The following ZC3H14 variants were observed in gnomAD, a reference collection of about 807,000 sequenced individuals.
ZC3H14 encodes zinc finger CCCH-type containing 14.
A neutral mutation model predicts 92.4 loss-of-function variants in ZC3H14; 31 were observed. That is an observed-to-expected ratio of 0.34 (90% CI 0.25 to 0.45). The LOEUF is 0.45. ZC3H14 is among the 20% of genes least tolerant of loss of function. ZC3H14 has a pLI of 1.00. For missense variants in ZC3H14, 781 were observed against 897.3 expected (o/e 0.87, Z 1.66); for synonymous variants, 321 against 300.9 (o/e 1.07, Z -0.69).
At chr14:88,578,659 C>A (rs1173267255) in intron 9 of ZC3H14, among the ~76,000 whole-genome samples, 1 of 151,780 alleles carries the variant, frequency 6.6e-6, no homozygotes, top group East Asian at 1.9e-4. Context: ...TTTACCTGAA[C>A]TTGAAATTTT....
Position 88,601,910 on chromosome 14 carries a change from T to C in ZC3H14, c.1355-14T>C, listed in dbSNP as rs1279452277. On this transcript the variant is annotated splice_polypyrimidine_tract_variant and intron_variant, in intron 10 of 16. Transcript: ENST00000251038. ...TTCAAAAGTAAACATTTGTGGCCAA[T>C]TTTTTTGGCTCAGATTACTATGACA... is the stretch of plus-strand genomic sequence containing the variant. 2 of 1,611,418 alleles carry C rather than the reference T, an allele frequency of 1.2e-6. No individual in the cohort carries two copies. The highest frequency in any genetic ancestry group is 1.7e-6 in the Non-Finnish European group (2 of 1,178,216).
chr14:88,589,519 C>T (rs2082851535), intron 9 of ZC3H14: 1 of 152,146 alleles, frequency 6.6e-6, no homozygotes, highest in Admixed American at 6.5e-5. Flanking sequence ...CCCTGAATTC[C>T]TCATTTCTGT....
chr14:88,573,249 A>G (rs1718301153), intron 6 of ZC3H14, among the ~76,000 whole-genome samples: 2 of 151,786 alleles, frequency 1.3e-5, no homozygotes, highest in Admixed American at 6.6e-5. Context: ...GCATGGTGGC[A>G]GGCGCCTGTA....
rs768458449 is a variant in ZC3H14, at chr14:88,601,935, A to C, written c.1366A>C (p.Met456Leu). The C allele has an allele frequency of 1.2e-6, 2 of 1,614,104 alleles. No homozygotes were observed. The highest frequency in any genetic ancestry group is 3.3e-5 in the Admixed American group (2 of 60,020). Residue 456 changes from methionine to leucine, a missense_variant, in exon 11 of 17, where the codon ATG becomes CTG. Met to Leu is a conservative substitution (Grantham distance 15). Around this residue, in one of 3 missense-constraint regions of ZC3H14, gnomAD observed 454 missense variants for 438.5 expected, o/e 1.04. Coordinates refer to ENST00000251038, the MANE Select transcript of ZC3H14 (RefSeq NM_024824.5). ...TLQMSQDYYD[M>L]ESMVHADTRS... ...TTTTTTTGGCTCAGATTACTATGACATGGAATCCATGGTCCATGCAGACAC... is the reference window on the plus strand; with the variant it reads ...TTTTTTTGGCTCAGATTACTATGACCTGGAATCCATGGTCCATGCAGACAC...
At chr14:88,575,365 A>G (rs1429561348) in intron 7 of ZC3H14, among the ~76,000 whole-genome samples, 2 of 152,164 alleles carry the variant, frequency 1.3e-5, no homozygotes, top group African/African-American at 4.8e-5. Context: ...GTGAGGAGGA[A>G]CAACATCAAT....
At chr14:88,585,592 G>T (rs2082377383) in intron 9 of ZC3H14, among the ~76,000 whole-genome samples, 1 of 151,978 alleles carries the variant, frequency 6.6e-6, no homozygotes, top group Admixed American at 6.6e-5. Context: ...GGCCAGGATG[G>T]TCTCAATCTC....
chr14:88,563,656 C>T lies in ZC3H14; in HGVS notation c.42C>T (p.Ala14=), dbSNP rs1183068481. 3 of 1,614,182 alleles carry T rather than the reference C, an allele frequency of 1.9e-6. No homozygotes were observed. The highest frequency in any genetic ancestry group is 1.3e-5 in the African/African-American group (1 of 75,056). ...GTEISRKIRS[A]IKGKLQELGA... Reference sequence around the variant, plus strand: ...GTTTGCTCTTTTTCTCTCAGAGTGCCATTAAGGGGAAATTACAAGAATTAG... The same window carrying T: ...GTTTGCTCTTTTTCTCTCAGAGTGCTATTAAGGGGAAATTACAAGAATTAG... The change falls in exon 2 of 17, where the codon GCC becomes GCT. Residue 14 remains alanine, a synonymous_variant. Coordinates refer to ENST00000251038, the MANE Select transcript of ZC3H14 (RefSeq NM_024824.5).
At chr14:88,574,557 T>C in intron 6 of ZC3H14, 136 bp from the exon 7 acceptor site, 1 of 1,145,642 alleles carries the variant, frequency 8.7e-7, no homozygotes, top group Non-Finnish European at 1.3e-6. Context: ...ATTTATATTT[T>C]TACATAAAAC....
At chr14:88,588,705 G>T (rs945746109) in intron 9 of ZC3H14, among the ~76,000 whole-genome samples, 3 of 152,004 alleles carry the variant, frequency 2.0e-5, no homozygotes, top group African/African-American at 2.4e-5. Flanking sequence ...TTTAAAATTT[G>T]CTGTCCTTGT....
chr14:88,618,565 G>A lies in ZC3H14; in HGVS notation c.*6814G>A. 6.9e-7 allele frequency: 1 copy of A among 1,453,042 alleles called. No individual in the cohort carries two copies. The allele number at this position is 1,453,042 out of a possible 1,614,324, so 90.0% of individuals were successfully genotyped here. On this transcript the variant is annotated 3_prime_UTR_variant, in exon 17 of 17. Coordinates refer to ENST00000251038, the MANE Select transcript of ZC3H14 (RefSeq NM_024824.5). The stretch of plus-strand genomic sequence containing the variant: ...GGAGTTGAGAAGCTGGAGCTCTGGA[G>A]CTCAGGAACTTTAAATGCATTCACT...
At position 88,578,105 on chromosome 14, in the gene ZC3H14, A is replaced by G. The variant is rs1435099944; in HGVS notation, c.1244A>G (p.Glu415Gly). Residue 415 changes from glutamate (E) to glycine (G), a missense_variant, in exon 9 of 17, where the codon GAG becomes GGG. Glu to Gly is a moderately conservative substitution (Grantham distance 98, BLOSUM62 -2). Coordinates refer to ENST00000251038, the MANE Select transcript of ZC3H14 (RefSeq NM_024824.5). ...AGAATAAGTCCCCCCATTAAAGAAG[A>G]GGAAACAAAAGGAGATTCTGTAGAA... ...TPRISPPIKEEETKGDSVEKN... is the reference protein window; with the variant it reads ...TPRISPPIKEGETKGDSVEKN... 1 of 1,614,050 alleles carries G rather than the reference A, an allele frequency of 6.2e-7. No individual in the cohort carries two copies. Among genetic ancestry groups the G allele is most frequent in the Non-Finnish European group, 8.5e-7 (1 of 1,180,026 alleles).
chr14:88,609,924 CTA>C lies in ZC3H14; in HGVS notation c.2097+123_2097+124del, dbSNP rs2086272393. 68 of 1,078,250 alleles carry C rather than the reference CTA, an allele frequency of 6.3e-5. No individual in the cohort carries two copies. The South Asian group carries it at 8.3e-4, about 13-fold the overall frequency. The allele number at this position is 1,078,250 out of a possible 1,614,324, so 66.8% of individuals were successfully genotyped here. ...GTAATTGCGATTTTTGCCAGTAAAA[CTA>C]TTAAGTTGTTCCTCGTCACTGAACC... On this transcript the variant is annotated intron_variant, in intron 15 of 16. Coordinates refer to ENST00000251038, the MANE Select transcript of ZC3H14 (RefSeq NM_024824.5).
At chr14:88,608,373 C>G (rs1293725759) in intron 13 of ZC3H14, 1 of 447,644 alleles carries the variant, frequency 2.2e-6, no homozygotes, top group African/African-American at 2.0e-5. Flanking sequence ...CAAGTCATAG[C>G]CAGCTGATTT....
rs1371415535 is a variant in ZC3H14 at position 88,596,749 on chromosome 14, A to G, written c.1295A>G (p.Gln432Arg). 1.2e-6 allele frequency: 2 copies of G among 1,613,944 alleles called. No homozygotes were observed. Among genetic ancestry groups the G allele is most frequent in the Non-Finnish European group, 1.7e-6 (2 of 1,179,958 alleles). Residue 432 changes from glutamine to arginine, a missense_variant, in exon 10 of 17, where the codon CAA becomes CGA. Gln to Arg is a conservative substitution (Grantham distance 43, BLOSUM62 1). Around this residue, in one of 3 missense-constraint regions of ZC3H14, gnomAD observed 454 missense variants for 438.5 expected, o/e 1.04. Transcript: ENST00000251038. ...VEKNQGTQQR[Q>R]LLSRLQIDPV... ...TATATTCTAGGAACTCAACAGAGGC[A>G]ATTATTATCCCGACTGCAAATCGAC...
chr14:88,571,967 A>G (rs1566895579), intron 4 of ZC3H14, 63 bp from the exon 5 acceptor site: 1 of 1,271,508 alleles, frequency 7.9e-7, no homozygotes, highest in South Asian at 1.7e-5. Flanking sequence ...CATCTCAAAA[A>G]TAAATAAATA....
In ZC3H14 at chr14:88,611,821, A is replaced by G. The variant is rs1228227277; in HGVS notation, c.*70A>G. 4 of 1,598,852 alleles carry G rather than the reference A, an allele frequency of 2.5e-6. No individual in the cohort carries two copies. The Admixed American group carries it at 6.8e-5, about 27-fold the overall frequency. On this transcript the variant is annotated 3_prime_UTR_variant, in exon 17 of 17. Transcript: ENST00000251038. ...CATGTACTGATGAAAGATACTCTAC[A>G]GAACTTGTCAAATCTTTGAAACTTG... is the stretch of plus-strand genomic sequence containing the variant.
At chr14:88,600,690 A>T (rs985583181) in intron 10 of ZC3H14, among the ~76,000 whole-genome samples, 3 of 152,094 alleles carry the variant, frequency 2.0e-5, no homozygotes, top group African/African-American at 7.2e-5. Context: ...GGGCTTATGG[A>T]ATCCTTGTGC....
At chr14:88,572,310 G>A in intron 5 of ZC3H14, 85 bp downstream of exon 5, 1 of 1,464,118 alleles carries the variant, frequency 6.8e-7, no homozygotes, top group Non-Finnish European at 9.4e-7. Context: ...TCAGTTTGCT[G>A]TTCTCAGCAA....
Position 88,612,564 on chromosome 14 carries a change from A to G in ZC3H14, c.*813A>G, listed in dbSNP as rs1408078024. 1 of 152,618 alleles carries G rather than the reference A, an allele frequency of 6.6e-6. No individual in the cohort carries two copies. The highest frequency in any genetic ancestry group is 2.4e-5 in the African/African-American group (1 of 41,466). The allele number at this position is 152,618 out of a possible 1,614,324, so 9.5% of individuals were successfully genotyped here. A position where few individuals can be genotyped will look rare whatever the true frequency, so the allele number is the denominator to read the frequency against. On this transcript the variant is annotated 3_prime_UTR_variant, in exon 17 of 17. Transcript: ENST00000251038. ...TCTGAAAACAGACTTTAAAGTCACA[A>G]GATTATAAATGTACATATATATTCT...
Sources: gnomAD v4.1 joint callset for allele counts (sites outside exome capture counted in the v4.1 genomes callset) on GRCh38, gnomAD v4.1.1 for gene constraint, gnomAD v4.1.1 regional missense constraint, MANE v1.5 for transcripts, NCBI Gene and HGNC (gene_info 2026-07-23, HGNC 2026-07-21) for gene names.